DCBLD2: variants seen among roughly 807,000 people sequenced by gnomAD.
DCBLD2 encodes the protein discoidin, CUB and LCCL domain-containing protein 2.
Under a neutral mutation model 86.8 loss-of-function variants are expected in DCBLD2, and 54 were observed. The observed-to-expected ratio is 0.62, with a 90% CI of 0.50 to 0.78. The LOEUF (loss-of-function observed/expected upper bound fraction) is 0.78. Ranked by LOEUF, DCBLD2 falls within the 30% of genes least tolerant of loss-of-function variation. The pLI, the probability that DCBLD2 is intolerant of heterozygous loss-of-function variation, is 0.00. For missense variants in DCBLD2, 908 were observed against 954.2 expected, an observed-to-expected ratio of 0.95 and a Z score of 0.64; for synonymous variants, 354 against 341.3, an observed-to-expected ratio of 1.04 and a Z score of -0.41.
chr3:98,855,303 C>A (rs1444145294), intron 2 of DCBLD2, among the ~76,000 whole-genome samples: 2 of 152,162 alleles, frequency 1.3e-5, no homozygotes, highest in Non-Finnish European at 2.9e-5. Flanking sequence ...TCAGTACACA[C>A]ACACCAGAAC....
Position 98,881,547 on chromosome 3 carries a change from A to C in DCBLD2, c.426T>G (p.Thr142=), listed in dbSNP as rs755982682. 6.2e-7 allele frequency: 1 copy of C among 1,613,592 alleles called. No homozygotes were observed. The highest frequency in any genetic ancestry group is 1.1e-5 in the South Asian group (1 of 91,062). ...TACAAAAAAAAGTCCTACCTATTTC[A>C]GTTCTGCTGACTCCAATTCCATTAT... The part of the protein sequence containing the change: ...RIYNGIGVSR[T]EIGKYCGLGL... Residue 142 remains threonine (T), a synonymous_variant, in exon 2 of 16, where the codon ACT becomes ACG. Coordinates refer to ENST00000326840, the MANE Select transcript of DCBLD2 (RefSeq NM_080927.4).
intron 2 of DCBLD2, among the ~76,000 whole-genome samples, chr3:98,865,385 T>C (rs1461183131): frequency 3.3e-5 from 5 of 152,088 alleles, no homozygotes; most frequent in African/African-American, 1.2e-4. Context: ...AAATACTACA[T>C]GATCCCACTC....
intron 3 of DCBLD2, among the ~76,000 whole-genome samples, chr3:98,845,410 G>A (rs533701588): frequency 1.3e-5 from 2 of 152,116 alleles, no homozygotes; most frequent in South Asian, 2.1e-4. Context: ...CTAATTCATC[G>A]AAATGTTCCC....
intron 3 of DCBLD2, among the ~76,000 whole-genome samples, chr3:98,844,808 A>G (rs150174836): frequency 6.6e-6 from 1 of 152,334 alleles, no homozygotes; most frequent in African/African-American, 2.4e-5. Flanking sequence ...ATAAAAGTCC[A>G]AGATACCACA....
At chr3:98,886,811 T>TCCC (rs1943572480) in intron 1 of DCBLD2, among the ~76,000 whole-genome samples, 4 of 97,234 alleles carry the variant, frequency 4.1e-5, no homozygotes, top group East Asian at 5.3e-4. Context: ...CCCCCCCCCT[T>TCCC]TTTTTTTTTT....
At chr3:98,858,041 G>T (rs1373121050) in intron 2 of DCBLD2, among the ~76,000 whole-genome samples, 7 of 152,244 alleles carry the variant, frequency 4.6e-5, no homozygotes. Context: ...TCGTCGGGGA[G>T]GCTTGGGCCA....
rs372620623 is a variant in DCBLD2, at chr3:98,799,480, T to C, written c.2220A>G (p.Pro740=). 3 of 1,614,050 alleles carry C rather than the reference T, an allele frequency of 1.9e-6. No homozygotes were observed. The highest frequency in any genetic ancestry group is 3.3e-5 in the Admixed American group (2 of 60,028). ...AQYDTPKAGK[P]GLPAPDELVY... Reference sequence around the variant, plus strand: ...CCAATTCGTCTGGGGCAGGTAGACCTGGCTTCCCAGCTTTCGGGGTATCAT... The same window carrying C: ...CCAATTCGTCTGGGGCAGGTAGACCCGGCTTCCCAGCTTTCGGGGTATCAT... Residue 740 remains proline (P), a synonymous_variant, in exon 16 of 16, where the codon CCA becomes CCG. Transcript: ENST00000326840.
chr3:98,874,491 C>A (rs1943334601), intron 2 of DCBLD2, among the ~76,000 whole-genome samples: 1 of 152,094 alleles, frequency 6.6e-6, no homozygotes, highest in Non-Finnish European at 1.5e-5. Flanking sequence ...ATCATTACCT[C>A]CATAGATGCT....
chr3:98,894,712 G>A (rs140141012), intron 1 of DCBLD2, among the ~76,000 whole-genome samples: 66 of 152,130 alleles, frequency 4.3e-4, no homozygotes, highest in African/African-American at 1.6e-3. Context: ...ACTAATTTAC[G>A]GGGATTAGGC....
At chr3:98,807,455 A>G (rs1346422165) in intron 13 of DCBLD2, among the ~76,000 whole-genome samples, 1 of 152,176 alleles carries the variant, frequency 6.6e-6, no homozygotes, top group South Asian at 2.1e-4. Flanking sequence ...TCGGGCAAGA[A>G]GGCACTGTTG....
intron 2 of DCBLD2, among the ~76,000 whole-genome samples, chr3:98,871,354 C>A (rs1240565018): frequency 6.6e-6 from 1 of 152,088 alleles, no homozygotes; most frequent in Non-Finnish European, 1.5e-5. Flanking sequence ...GCATTCTTGT[C>A]TTGTTCCAGT....
At chr3:98,848,597 C>G (rs185537681) in intron 3 of DCBLD2, among the ~76,000 whole-genome samples, 1 of 152,154 alleles carries the variant, frequency 6.6e-6, no homozygotes, top group African/African-American at 2.4e-5. Flanking sequence ...ACAGTGTATA[C>G]GGTTTCTTTT....
intron 9 of DCBLD2, chr3:98,816,154 G>A (rs1320039154): frequency 6.8e-6 from 1 of 146,780 alleles, no homozygotes; most frequent in African/African-American, 2.5e-5. Context: ...ACATATTGAG[G>A]AACAGAAATA....
At chr3:98,875,098 A>G (rs894726711) in intron 2 of DCBLD2, among the ~76,000 whole-genome samples, 1 of 152,236 alleles carries the variant, frequency 6.6e-6, no homozygotes, top group Admixed American at 6.5e-5. Context: ...AACCATAGGC[A>G]TAAGAAATGG....
Position 98,798,650 on chromosome 3 carries a change from T to C in DCBLD2, c.*722A>G, listed in dbSNP as rs1941655922. ...ATGAGACTAAGGCAAGCATCACTCATCAGAAATACTCAAACATTTTATAAA... is the reference window on the plus strand; with the variant it reads ...ATGAGACTAAGGCAAGCATCACTCACCAGAAATACTCAAACATTTTATAAA... On this transcript the variant is annotated 3_prime_UTR_variant, in exon 16 of 16. Transcript: ENST00000326840. The C allele has an allele frequency of 6.6e-6, 1 of 152,142 alleles. No individual in the cohort carries two copies. The highest frequency in any genetic ancestry group is 2.1e-4 in the South Asian group (1 of 4,830). 9.4% of individuals were successfully genotyped at this position (152,142 alleles called of 1,614,324 possible). A position where few individuals can be genotyped will look rare whatever the true frequency, so the allele number is the denominator to read the frequency against.
chr3:98,797,913 G>A lies in DCBLD2; in HGVS notation c.*1459C>T, dbSNP rs984672723. 2.6e-5 allele frequency: 4 copies of A among 152,232 alleles called. No homozygotes were observed. Among genetic ancestry groups the A allele is most frequent in the Non-Finnish European group, 5.9e-5 (4 of 68,038 alleles). The allele number at this position is 152,232 out of a possible 1,614,324, so 9.4% of individuals were successfully genotyped here. On this transcript the variant is annotated 3_prime_UTR_variant, in exon 16 of 16. Coordinates refer to ENST00000326840, the MANE Select transcript of DCBLD2 (RefSeq NM_080927.4). ...TTAAATCTACAAACAAAGGTTTATG[G>A]AAGAGGGAATGTCAAATTTATGTAT...
intron 2 of DCBLD2, among the ~76,000 whole-genome samples, chr3:98,869,468 G>A (rs907346657): frequency 1.3e-5 from 2 of 151,994 alleles, no homozygotes; most frequent in Non-Finnish European, 2.9e-5. Flanking sequence ...ATTTATTTTT[G>A]TTGCATTTGC....
Position 98,822,697 on chromosome 3 carries a change from G to A in DCBLD2, c.668C>T (p.Ser223Phe), listed in dbSNP as rs2107449298. The A allele has an allele frequency of 1.9e-6, 3 of 1,596,642 alleles. No individual in the cohort carries two copies. The East Asian group carries it at 6.7e-5, about 36-fold the overall frequency. ...TCTATATCCATGAGGAATTGTTCCA[G>A]ATATCTCAGCAAAAGGAAGCAGACA... ...AGCLLPFAEI[S>F]GTIPHGYRDS... Residue 223 changes from serine (S) to phenylalanine (F), a missense_variant, in exon 5 of 16, where the codon TCT becomes TTT. Around this residue, in one of 3 missense-constraint regions of DCBLD2, gnomAD observed 606 missense variants for 678.5 expected, o/e 0.89. Coordinates refer to ENST00000326840, the MANE Select transcript of DCBLD2 (RefSeq NM_080927.4).
intron 9 of DCBLD2, among the ~76,000 whole-genome samples, chr3:98,817,310 T>G (rs763642992): frequency 3.9e-5 from 6 of 152,228 alleles, no homozygotes; most frequent in Non-Finnish European, 7.3e-5. Flanking sequence ...AGATGAAAGT[T>G]GGTGAGATGA....
Sources: allele counts gnomAD v4.1 joint callset (sites outside exome capture counted in the v4.1 genomes callset), GRCh38; gene constraint gnomAD v4.1.1; regional missense constraint gnomAD v4.1.1; transcripts MANE v1.5; gene names NCBI Gene and HGNC (gene_info 2026-07-23, HGNC 2026-07-21).